The following RBFOX1 variants were observed in gnomAD, a reference collection of about 807,000 sequenced individuals.
RBFOX1 encodes RNA binding fox-1 homolog 1.
In RBFOX1, 8 loss-of-function variants were observed where a neutral mutation model predicts 57.7. The ratio of observed to expected loss-of-function variants is 0.14; its 90% CI spans 0.08 to 0.25. RBFOX1 has a LOEUF of 0.25. Among genes scored for constraint, RBFOX1 ranks in the 10% least tolerant of loss-of-function variants. RBFOX1 has a pLI of 1.00. For synonymous variants in RBFOX1, 326 were observed against 222.4 expected (o/e 1.47, Z -4.15); for missense variants, 611 against 548.5 (o/e 1.11, Z -1.14).
intron 3 of RBFOX1, among the ~76,000 whole-genome samples, chr16:6,840,860 C>G (rs559583041): frequency 2.2e-5 from 3 of 139,394 alleles, no homozygotes; most frequent in African/African-American, 8.3e-5. Context: ...GTACTCTAGC[C>G]TGGGCGACGA....
intron 1 of RBFOX1, among the ~76,000 whole-genome samples, chr16:5,396,325 G>A (rs764550209): frequency 4.6e-5 from 7 of 152,204 alleles, no homozygotes; most frequent in Non-Finnish European, 7.4e-5. Context: ...ATCAAGATGG[G>A]TCAGTAGGTG....
intron 1 of RBFOX1, among the ~76,000 whole-genome samples, chr16:6,200,905 C>T (rs933072726): frequency 6.7e-6 from 1 of 149,072 alleles, no homozygotes. Flanking sequence ...TTATGCAGCT[C>T]ATTTTTGCTG....
At chr16:6,645,474 G>C (rs371804829) in intron 2 of RBFOX1, among the ~76,000 whole-genome samples, 3 of 152,188 alleles carry the variant, frequency 2.0e-5, no homozygotes, top group East Asian at 3.9e-4. Context: ...AAGGGATCCG[G>C]GATGCTGGCA....
intron 2 of RBFOX1, among the ~76,000 whole-genome samples, chr16:6,478,417 ATATATATATATATTTTTTT>A (rs2095313156): frequency 6.1e-5 from 1 of 16,460 alleles, no homozygotes; most frequent in African/African-American, 2.2e-4. Context: ...ATATATATAT[ATATATATATATATTTTTTT>A]TTTTTTTTTT....
At chr16:6,347,049 A>T (rs1172632033) in intron 2 of RBFOX1, among the ~76,000 whole-genome samples, 9 of 152,214 alleles carry the variant, frequency 5.9e-5, no homozygotes, top group Non-Finnish European at 1.0e-4. Flanking sequence ...TGGACAGAGC[A>T]AGGCAAGGAT....
intron 3 of RBFOX1, among the ~76,000 whole-genome samples, chr16:5,831,256 A>G (rs2056261045): frequency 6.6e-6 from 1 of 151,988 alleles, no homozygotes; most frequent in Non-Finnish European, 1.5e-5. Flanking sequence ...CTGTGCCCTT[A>G]GTGATGAGTG....
At chr16:7,323,997 A>C (rs188996818) in intron 4 of RBFOX1, among the ~76,000 whole-genome samples, 2 of 152,322 alleles carry the variant, frequency 1.3e-5, no homozygotes, top group African/African-American at 2.4e-5. Context: ...AGTCTGGATC[A>C]AACAAGATCC....
intron 1 of RBFOX1, among the ~76,000 whole-genome samples, chr16:6,246,028 C>T (rs974083092): frequency 6.6e-6 from 1 of 152,128 alleles, no homozygotes; most frequent in Non-Finnish European, 1.5e-5. Flanking sequence ...CTTAGAGGTC[C>T]TGTATATCTG....
chr16:5,965,932 A>T (rs2059834483), intron 4 of RBFOX1, among the ~76,000 whole-genome samples: 1 of 152,078 alleles, frequency 6.6e-6, no homozygotes, highest in Admixed American at 6.5e-5. Flanking sequence ...CCTCCCCAGA[A>T]GATCTGGATG....
chr16:7,064,847 C>G (rs997788458), intron 4 of RBFOX1, among the ~76,000 whole-genome samples: 2 of 152,192 alleles, frequency 1.3e-5, no homozygotes, highest in Non-Finnish European at 2.9e-5. Context: ...TATTCTAAAT[C>G]CTATTGCCCT....
intron 3 of RBFOX1, among the ~76,000 whole-genome samples, chr16:6,891,564 T>C (rs557743507): frequency 2.6e-5 from 4 of 152,226 alleles, no homozygotes; most frequent in Admixed American, 1.3e-4. Context: ...GGTTAGTTTT[T>C]TCCAGTGCTC....
At chr16:6,997,477 T>G (rs7191667) in intron 3 of RBFOX1, among the ~76,000 whole-genome samples, 1 of 151,968 alleles carries the variant, frequency 6.6e-6, no homozygotes, top group Non-Finnish European at 1.5e-5. Context: ...TTTAAGTTAA[T>G]GTTAACAATT....
chr16:7,233,468 T>C (rs1464912054), intron 4 of RBFOX1, among the ~76,000 whole-genome samples: 1 of 152,198 alleles, frequency 6.6e-6, no homozygotes. Flanking sequence ...TTGAACACAA[T>C]ACATGGTAGA....
intron 4 of RBFOX1, among the ~76,000 whole-genome samples, chr16:7,492,261 C>A (rs540663535): frequency 6.6e-6 from 1 of 152,122 alleles, no homozygotes; most frequent in African/African-American, 2.4e-5. Context: ...AAAAGGAATG[C>A]AGATTAGCAG....
rs578021046 is a variant in RBFOX1 at position 6,122,340 on chromosome 16, C to T, written c.-127+102348C>T. Among the ~76,000 whole-genome samples the T allele has an allele frequency of 2.5e-3, 369 of 149,108 alleles. 1 individual carries two copies. The highest frequency in any genetic ancestry group is 3.2e-3 in the Non-Finnish European group (215 of 67,632). On this transcript the variant is annotated intron_variant, in intron 1 of 15. Coordinates refer to ENST00000550418, the MANE Select transcript of RBFOX1 (RefSeq NM_018723.4). ...GTATTTCTGTTATTTATAACAGAAC[C>T]TTGTGTCTAAAAGATAAACACACAC... is the stretch of plus-strand genomic sequence containing the variant.
intron 2 of RBFOX1, among the ~76,000 whole-genome samples, chr16:6,635,360 T>G (rs189503832): frequency 7.2e-5 from 11 of 152,238 alleles, no homozygotes; most frequent in Admixed American, 2.6e-4. Context: ...TAAATATAAG[T>G]ACAAGTGAAA....
chr16:6,747,429 A>G (rs141016903), intron 3 of RBFOX1, among the ~76,000 whole-genome samples: 3 of 138,348 alleles, frequency 2.2e-5, no homozygotes, highest in East Asian at 2.2e-4. Flanking sequence ...AAAATCTATC[A>G]GTCAGTCAGT....
chr16:5,451,322 G>A (rs2068420035), intron 1 of RBFOX1, among the ~76,000 whole-genome samples: 1 of 152,212 alleles, frequency 6.6e-6, no homozygotes, highest in South Asian at 2.1e-4. Context: ...GCGATGATTT[G>A]TAATGACCCA....
chr16:6,663,037 A>G (rs965594142), intron 3 of RBFOX1, among the ~76,000 whole-genome samples: 11 of 152,144 alleles, frequency 7.2e-5, no homozygotes, highest in African/African-American at 2.7e-4. Flanking sequence ...TCTTGTTTGC[A>G]TTTTGTAAGT....
Sources: gnomAD v4.1 joint callset for allele counts (sites outside exome capture counted in the v4.1 genomes callset) on GRCh38, gnomAD v4.1.1 for gene constraint, MANE v1.5 for transcripts, NCBI Gene and HGNC (gene_info 2026-07-23, HGNC 2026-07-21) for gene names.